Variants in COL21A1 observed in about 807,000 individuals in gnomAD.
The protein encoded by COL21A1 is collagen type XXI alpha 1 chain, also known as collagen alpha-1(XXI) chain.
A neutral mutation model predicts 137.9 loss-of-function variants in COL21A1; 149 were observed. The ratio of observed to expected loss-of-function variants is 1.08; its 90% confidence interval spans 0.95 to 1.24. The LOEUF (loss-of-function observed/expected upper bound fraction) is 1.24, where lower values mean the gene tolerates loss of function less well. COL21A1 is among the 50% of genes most tolerant of loss of function. The probability of loss-of-function intolerance (pLI) is 0.00; values close to 1 mark genes in which losing one functional copy is unlikely to be tolerated. For synonymous variants in COL21A1, 456 were observed against 391.5 expected (o/e 1.16, Z -1.95); for missense variants, 1,167 against 1,158.4 (o/e 1.01, Z -0.11).
At chr6:56,152,039 T>G (rs1488790952) in intron 10 of COL21A1, among the ~76,000 whole-genome samples, 2 of 152,218 alleles carry the variant, frequency 1.3e-5, no homozygotes, top group East Asian at 3.8e-4. Context: ...TATAACAAAT[T>G]ACCCCAAACA....
chr6:56,109,980 A>G (rs1771276062), intron 16 of COL21A1, among the ~76,000 whole-genome samples: 1 of 152,070 alleles, frequency 6.6e-6, no homozygotes. Flanking sequence ...GCTTTTAGAA[A>G]AGAAAAGCCA....
chr6:56,196,317 G>A (rs1322925742), intron 1 of COL21A1, among the ~76,000 whole-genome samples: 1 of 152,020 alleles, frequency 6.6e-6, no homozygotes, highest in Admixed American at 6.6e-5. Context: ...AAGAAACAAG[G>A]GTGCCCAGTC....
chr6:56,066,091 C>T (rs1766217695), intron 23 of COL21A1, among the ~76,000 whole-genome samples: 1 of 151,808 alleles, frequency 6.6e-6, no homozygotes, highest in South Asian at 2.1e-4. Context: ...ACCTGAGGTT[C>T]CCATGAGTCA....
chr6:56,101,656 C>G, intron 16 of COL21A1, 131 bp from the exon 17 acceptor site: 1 of 669,092 alleles, frequency 1.5e-6, no homozygotes, highest in Non-Finnish European at 2.6e-6. Flanking sequence ...TTCTGGACTA[C>G]TGATATTAAC....
chr6:56,147,403 T>C (rs748497204), intron 10 of COL21A1, among the ~76,000 whole-genome samples: 1 of 151,720 alleles, frequency 6.6e-6, no homozygotes, highest in Non-Finnish European at 1.5e-5. Flanking sequence ...TATATATCCT[T>C]AGCCTAGAAG....
intron 1 of COL21A1, among the ~76,000 whole-genome samples, chr6:56,325,183 C>T (rs1161805967): frequency 1.4e-5 from 2 of 139,730 alleles, no homozygotes; most frequent in Non-Finnish European, 3.0e-5. Flanking sequence ...ATGCTTTTCT[C>T]TTGTTAGTCT....
At chr6:56,212,734 T>C (rs1561990244) in intron 1 of COL21A1, among the ~76,000 whole-genome samples, 1 of 152,014 alleles carries the variant, frequency 6.6e-6, no homozygotes, top group Non-Finnish European at 1.5e-5. Flanking sequence ...CCTCACTTAA[T>C]AGAGCACTTA....
chr6:56,127,817 G>A (rs1773170403), intron 12 of COL21A1, among the ~76,000 whole-genome samples: 1 of 152,126 alleles, frequency 6.6e-6, no homozygotes, highest in African/African-American at 2.4e-5. Flanking sequence ...TCCCAAAGAA[G>A]CTTGCAGATC....
intron 1 of COL21A1, among the ~76,000 whole-genome samples, chr6:56,370,284 C>G (rs1408485646): frequency 6.6e-6 from 1 of 152,302 alleles, no homozygotes; most frequent in Non-Finnish European, 1.5e-5. Flanking sequence ...TGTCTCTGTT[C>G]CCGGCCTTCC....
intron 1 of COL21A1, among the ~76,000 whole-genome samples, chr6:56,376,883 A>T (rs1043601979): frequency 1.4e-5 from 2 of 138,222 alleles, no homozygotes; most frequent in Admixed American, 1.6e-4. Flanking sequence ...TATAGAAAAA[A>T]ATCACCTTCA....
intron 1 of COL21A1, among the ~76,000 whole-genome samples, chr6:56,314,858 A>T (rs1476627315): frequency 1.3e-5 from 2 of 152,170 alleles, no homozygotes; most frequent in East Asian, 1.9e-4. Flanking sequence ...CAGTGCAGTA[A>T]CTGTAAACCC....
intron 17 of COL21A1, among the ~76,000 whole-genome samples, chr6:56,099,572 T>A (rs1340895946): frequency 6.6e-6 from 1 of 151,892 alleles, no homozygotes; most frequent in Non-Finnish European, 1.5e-5. Flanking sequence ...CTCATGTCTA[T>A]TATCTCTTAT....
intron 1 of COL21A1, among the ~76,000 whole-genome samples, chr6:56,323,327 G>A (rs750145221): frequency 1.3e-5 from 2 of 152,068 alleles, no homozygotes; most frequent in Non-Finnish European, 2.9e-5. Context: ...TAGCTAATTG[G>A]AAACAAACTC....
At chr6:56,385,832 T>C (rs1179694477) in intron 1 of COL21A1, among the ~76,000 whole-genome samples, 1 of 152,192 alleles carries the variant, frequency 6.6e-6, no homozygotes, top group Admixed American at 6.5e-5. Context: ...CCTTTTGTGT[T>C]TGGCTTCTTC....
At chr6:56,310,606 A>G (rs543875129) in intron 1 of COL21A1, among the ~76,000 whole-genome samples, 1 of 152,280 alleles carries the variant, frequency 6.6e-6, no homozygotes, top group Admixed American at 6.5e-5. Flanking sequence ...CATTTAAATG[A>G]GGTATTCTGA....
intron 12 of COL21A1, among the ~76,000 whole-genome samples, chr6:56,133,493 T>C (rs1418373046): frequency 6.6e-6 from 1 of 152,172 alleles, no homozygotes; most frequent in East Asian, 1.9e-4. Flanking sequence ...AGCCTGATAA[T>C]GTGATAGAAA....
intron 1 of COL21A1, among the ~76,000 whole-genome samples, chr6:56,366,195 T>C (rs1766096156): frequency 6.6e-6 from 1 of 152,026 alleles, no homozygotes; most frequent in Non-Finnish European, 1.5e-5. Context: ...GGAGGGAACG[T>C]GCAAAAAAGA....
In COL21A1 at chr6:56,057,604, A is replaced by G. The variant is rs1391603709; in HGVS notation, c.*53T>C. ...ACTGTTGGTTATCTTCCTGAGATGC[A>G]AAAGACCACAGAAAAAGCACCATGC... On this transcript the variant is annotated 3_prime_UTR_variant, in exon 30 of 30. Transcript: ENST00000244728. 7.1e-6 allele frequency: 11 copies of G among 1,558,428 alleles called. No homozygotes were observed. The highest frequency in any genetic ancestry group is 9.7e-6 in the Non-Finnish European group (11 of 1,133,932).
chr6:56,128,578 G>C (rs1351391101), intron 12 of COL21A1, among the ~76,000 whole-genome samples: 2 of 152,292 alleles, frequency 1.3e-5, no homozygotes, highest in East Asian at 1.9e-4. Flanking sequence ...CTGGCTGACC[G>C]CATTCTGGAG....
Sources: gnomAD v4.1 joint callset for allele counts (sites outside exome capture counted in the v4.1 genomes callset) on GRCh38, gnomAD v4.1.1 for gene constraint, MANE v1.5 for transcripts, NCBI Gene and HGNC (gene_info 2026-07-23, HGNC 2026-07-21) for gene names.